The following TULP4 variants were observed in gnomAD, a reference collection of about 807,000 sequenced individuals.
TULP4 encodes the protein tubby-related protein 4.
TULP4 carries 16 observed loss-of-function variants against 129.0 expected under a neutral mutation model. The ratio of observed to expected loss-of-function variants is 0.12; its 90% CI spans 0.08 to 0.19. The LOEUF is 0.19. TULP4 is among the 10% of genes least tolerant of loss of function. The pLI is 1.00. For missense variants in TULP4, 1,842 were observed against 2,059.1 expected (o/e 0.89, Z 2.04); for synonymous variants, 998 against 854.0 (o/e 1.17, Z -2.94).
intron 1 of TULP4, among the ~76,000 whole-genome samples, chr6:158,301,505 A>G (rs1779130463): frequency 6.6e-6 from 1 of 152,224 alleles, no homozygotes; most frequent in African/African-American, 2.4e-5. Flanking sequence ...GTTGATTTAA[A>G]GGAACCACAA....
intron 6 of TULP4, among the ~76,000 whole-genome samples, chr6:158,475,126 C>T (rs1257303670): frequency 6.6e-5 from 10 of 152,256 alleles, no homozygotes; most frequent in Non-Finnish European, 2.9e-5. Context: ...GAGTAAGGAA[C>T]GGGCACCAGG....
intron 1 of TULP4, among the ~76,000 whole-genome samples, chr6:158,298,553 G>C (rs578090397): frequency 6.6e-6 from 1 of 152,286 alleles, no homozygotes; most frequent in East Asian, 1.9e-4. Flanking sequence ...TCTTTGACTG[G>C]TCTGGCACAT....
rs557416687 is a variant in TULP4, at chr6:158,449,067, C to G, written c.615C>G (p.Leu205=). The part of the protein sequence containing the change: ...DCHGRMLAHV[L]LHESDGVLGM... ...ACGGCAGAATGCTGGCCCACGTCCT[C>G]TTGCACGAGTCAGACGGTGTCCTCG... Residue 205 remains leucine, a synonymous_variant, in exon 4 of 14, where the codon CTC becomes CTG. Coordinates refer to ENST00000367097, the MANE Select transcript of TULP4 (RefSeq NM_020245.5). The G allele has an allele frequency of 6.2e-7, 1 of 1,614,076 alleles. No homozygotes were observed. The highest frequency in any genetic ancestry group is 8.5e-7 in the Non-Finnish European group (1 of 1,179,974).
chr6:158,503,029 C>T lies in TULP4; in HGVS notation c.3366C>T (p.Tyr1122=). The T allele has an allele frequency of 6.2e-7, 1 of 1,614,180 alleles. No individual in the cohort carries two copies. ...TCACCCTGAAACGGCCACCCCCTTA[C>T]CAGTGGGACCCCATGCTGGGTGAGG... ...AAVTLKRPPP[Y]QWDPMLGEDV... is the part of the protein sequence containing the mutation. The change falls in exon 13 of 14, where the codon TAC becomes TAT. Residue 1122 remains tyrosine, a synonymous_variant. Transcript: ENST00000367097. This position sits in a 1 kb window ranked among gnomAD's most constrained non-coding sequence, Gnocchi z 4.3.
intron 1 of TULP4, among the ~76,000 whole-genome samples, chr6:158,321,410 CCT>C (rs1779626314): frequency 1.3e-5 from 2 of 152,268 alleles, no homozygotes; most frequent in East Asian, 1.9e-4. Flanking sequence ...ACTCCAGATA[CCT>C]CTCTCTGTCT....
At chr6:158,349,266 G>T (rs10945543) in intron 1 of TULP4, among the ~76,000 whole-genome samples, 3 of 110,984 alleles carry the variant, frequency 2.7e-5, no homozygotes, top group African/African-American at 6.9e-5. Flanking sequence ...GGGCAGAGGC[G>T]CTCCTCACCT....
upstream of TULP4, among the ~76,000 whole-genome samples, chr6:158,278,057 G>A (rs1299520204): frequency 6.6e-6 from 1 of 152,172 alleles, no homozygotes; most frequent in Admixed American, 6.5e-5. Context: ...CATAGGTGGA[G>A]GTGAATGTGG....
At chr6:158,378,463 G>GTTTGTTTTTT (rs1777242080) in intron 1 of TULP4, among the ~76,000 whole-genome samples, 1 of 53,642 alleles carries the variant, frequency 1.9e-5, no homozygotes, top group East Asian at 1.1e-3. Flanking sequence ...GGGGGAGCCA[G>GTTTGTTTTTT]TTTTTTTTTT....
At chr6:158,384,447 C>T (rs1777394682) in intron 1 of TULP4, among the ~76,000 whole-genome samples, 1 of 151,952 alleles carries the variant, frequency 6.6e-6, no homozygotes, top group African/African-American at 2.4e-5. Flanking sequence ...ACCACCCCAC[C>T]CGGCTAATTT....
rs531753284 is a variant in TULP4 at position 158,303,702 on chromosome 6, TCA to T, written n.117-8346_117-8345del. ...CTTATATCTACCTCCCCTTGAGCAC[TCA>T]CAGACAATGTGTTGTGGTGCACACA... On this transcript the variant is annotated intron_variant and non_coding_transcript_variant, in intron 1 of 1. Coordinates refer to the TULP4 transcript ENST00000432358. 4.0e-3 allele frequency among the ~76,000 whole-genome samples: 611 copies of T among 152,338 alleles called. 5 individuals are homozygous for T. Among genetic ancestry groups the T allele is most frequent in the Non-Finnish European group, 5.3e-3 (358 of 68,028 alleles).
chr6:158,310,881 C>T (rs1779334753), upstream of TULP4, among the ~76,000 whole-genome samples: 2 of 152,076 alleles, frequency 1.3e-5, no homozygotes, highest in African/African-American at 2.4e-5. Flanking sequence ...TATTAAAAAC[C>T]ATGTACTCAA....
chr6:158,405,908 A>G lies in TULP4; in HGVS notation c.253-7157A>G, dbSNP rs968959642. 5.3e-5 allele frequency among the ~76,000 whole-genome samples: 8 copies of G among 152,322 alleles called. No individual in the cohort carries two copies. The South Asian group carries it at 6.2e-4, about 12-fold the overall frequency. Reference sequence around the variant, plus strand: ...TAGTGTGATTTTATTTTCTTTCCTCAGAACCAGAACTAATTGATACAGTTG... The same window carrying G: ...TAGTGTGATTTTATTTTCTTTCCTCGGAACCAGAACTAATTGATACAGTTG... On this transcript the variant is annotated intron_variant, in intron 1 of 13. Coordinates refer to ENST00000367097, the MANE Select transcript of TULP4 (RefSeq NM_020245.5).
intron 1 of TULP4, among the ~76,000 whole-genome samples, chr6:158,285,287 G>A (rs1197759801): frequency 6.6e-6 from 1 of 151,904 alleles, no homozygotes; most frequent in Non-Finnish European, 1.5e-5. Flanking sequence ...CAAATAATAT[G>A]TTGTTTATTA....
Position 158,503,188 on chromosome 6 carries a change from C to T in TULP4, c.3525C>T (p.Ala1175=). Residue 1175 remains alanine (A), a synonymous_variant, in exon 13 of 14, where the codon GCC becomes GCT. Coordinates refer to ENST00000367097, the MANE Select transcript of TULP4 (RefSeq NM_020245.5). The surrounding 1 kb of genome is among the most constrained non-coding windows in gnomAD (Gnocchi z 4.3). ...CCTTCATCTCCCCCAAGTCTCCTGCCAGCCCCACTGCCACTTTCCAAACAG... is the reference window on the plus strand; with the variant it reads ...CCTTCATCTCCCCCAAGTCTCCTGCTAGCCCCACTGCCACTTTCCAAACAG... ...RLPFISPKSP[A]SPTATFQTGY... 6.2e-7 allele frequency: 1 copy of T among 1,613,952 alleles called. No individual in the cohort carries two copies. Among genetic ancestry groups the T allele is most frequent in the East Asian group, 2.2e-5 (1 of 44,868 alleles).
At chr6:158,232,783 C>T (rs114359618) in intron 1 of TULP4, among the ~76,000 whole-genome samples, 6,380 of 152,268 alleles carry the variant, frequency 0.042, 317 homozygotes, top group African/African-American at 0.11. Context: ...GGCCGCGCCG[C>T]CACCTCCCCT....
chr6:158,345,821 C>T (rs1252300939), intron 1 of TULP4, among the ~76,000 whole-genome samples: 1 of 152,146 alleles, frequency 6.6e-6, no homozygotes, highest in African/African-American at 2.4e-5. Context: ...CAGGGTTTTT[C>T]CCTACCCTAG....
At chr6:158,343,771 C>T (rs186196809) in intron 1 of TULP4, among the ~76,000 whole-genome samples, 204 of 152,320 alleles carry the variant, frequency 1.3e-3, no homozygotes, top group Admixed American at 6.0e-3. Flanking sequence ...TGGCTCCTCA[C>T]TGATTTAAAA....
rs573801251 is a variant in TULP4, at chr6:158,475,199, G to A, written c.1027-4552G>A. Among the ~76,000 whole-genome samples the A allele has an allele frequency of 6.0e-4, 92 of 152,306 alleles. 1 individual carries two copies. Among genetic ancestry groups the A allele is most frequent in the African/African-American group, 2.2e-3 (90 of 41,562 alleles). ...GGCTGGCCCGCATCTTTTCCTTTCC[G>A]GGGCTCAGCCTCAGCATTGAGGGGG... is the stretch of plus-strand genomic sequence containing the variant. On this transcript the variant is annotated intron_variant, in intron 6 of 13. Coordinates refer to ENST00000367097, the MANE Select transcript of TULP4 (RefSeq NM_020245.5).
At chr6:158,476,571 T>C (rs654616) in intron 6 of TULP4, among the ~76,000 whole-genome samples, 63,550 of 152,050 alleles carry the variant, frequency 0.42, 14,588 homozygotes, top group African/African-American at 0.62. Context: ...CCAGCGACTG[T>C]GTTCCGTGTT....
Sources: allele counts gnomAD v4.1 joint callset (sites outside exome capture counted in the v4.1 genomes callset), GRCh38; gene constraint gnomAD v4.1.1; non-coding constraint Gnocchi (gnomAD v3.1); transcripts MANE v1.5; gene names NCBI Gene and HGNC (gene_info 2026-07-23, HGNC 2026-07-21).